Variants in PPFIBP1 observed in about 807,000 individuals in gnomAD.
PPFIBP1 encodes liprin-beta-1.
In PPFIBP1, 112 loss-of-function variants were observed where a neutral mutation model predicts 137.8. The ratio of observed to expected loss-of-function variants is 0.81; its 90% CI spans 0.70 to 0.95. The LOEUF is 0.95. PPFIBP1 is among the 40% of genes least tolerant of loss of function. The pLI, the probability that PPFIBP1 is intolerant of heterozygous loss-of-function variation, is 0.00. For synonymous variants in PPFIBP1, 378 were observed against 417.3 expected (o/e 0.91, Z 1.15); for missense variants, 1,083 against 1,196.6 (o/e 0.91, Z 1.40).
intron 2 of PPFIBP1, chr12:27,594,124 G>T: frequency 7.8e-6 from 6 of 767,842 alleles, no homozygotes; most frequent in Non-Finnish European, 1.1e-5. Flanking sequence ...TGGGACCGGG[G>T]AGAAGAGAAT....
chr12:27,641,223 CTT>C (rs2058087483), intron 4 of PPFIBP1, among the ~76,000 whole-genome samples: 1 of 152,146 alleles, frequency 6.6e-6, no homozygotes, highest in African/African-American at 2.4e-5. Context: ...ATTTAGGAAT[CTT>C]ACACTCAAAA....
chr12:27,587,355 C>T (rs1171483540), intron 2 of PPFIBP1, among the ~76,000 whole-genome samples: 1 of 152,118 alleles, frequency 6.6e-6, no homozygotes, highest in Non-Finnish European at 1.5e-5. Flanking sequence ...GGCGCAGTGG[C>T]TCACGTCTGT....
intron 2 of PPFIBP1, among the ~76,000 whole-genome samples, chr12:27,609,970 C>T (rs2054920265): frequency 6.6e-6 from 1 of 152,126 alleles, no homozygotes; most frequent in South Asian, 2.1e-4. Context: ...GGGAAAGAAC[C>T]ACTACTTGTC....
chr12:27,637,062 C>T (rs192891259), intron 4 of PPFIBP1: 38 of 152,234 alleles, frequency 2.5e-4, no homozygotes, highest in African/African-American at 9.1e-4. Flanking sequence ...AAAATTATAC[C>T]CATTTATTCC....
chr12:27,668,158 C>T (rs1034498829), intron 13 of PPFIBP1, among the ~76,000 whole-genome samples: 4 of 152,170 alleles, frequency 2.6e-5, no homozygotes, highest in Non-Finnish European at 4.4e-5. Context: ...GCCCCCTTTC[C>T]GAAGACCCCT....
chr12:27,552,657 A>T (rs923461172), intron 1 of PPFIBP1: 88 of 152,232 alleles, frequency 5.8e-4, no homozygotes, highest in African/African-American at 2.1e-3. Context: ...AACTCGGAAC[A>T]TAACTCATTT....
intron 1 of PPFIBP1, 33 bp from the exon 2 acceptor site, chr12:27,578,119 T>A (rs532022190): frequency 2.6e-5 from 4 of 152,362 alleles, no homozygotes; most frequent in African/African-American, 9.6e-5. Context: ...GCTATAATTT[T>A]AACTTGTCGT....
chr12:27,642,940 G>A (rs2058217771), intron 4 of PPFIBP1, among the ~76,000 whole-genome samples: 1 of 151,822 alleles, frequency 6.6e-6, no homozygotes, highest in South Asian at 2.1e-4. Flanking sequence ...GAAATAAGAG[G>A]TAATATATAT....
chr12:27,616,996 T>C (rs890867473), intron 2 of PPFIBP1, among the ~76,000 whole-genome samples: 2 of 152,196 alleles, frequency 1.3e-5, no homozygotes, highest in South Asian at 4.1e-4. Flanking sequence ...GCATTTGAAG[T>C]GGAGCCAACT....
chr12:27,551,921 G>A (rs1946827343), intron 1 of PPFIBP1, among the ~76,000 whole-genome samples: 1 of 152,194 alleles, frequency 6.6e-6, no homozygotes, highest in Non-Finnish European at 1.5e-5. Flanking sequence ...GACACCGAAA[G>A]AGCCTTCAGA....
At chr12:27,623,220 C>G (rs1411071839) in intron 2 of PPFIBP1, among the ~76,000 whole-genome samples, 2 of 152,142 alleles carry the variant, frequency 1.3e-5, no homozygotes, top group African/African-American at 4.8e-5. Flanking sequence ...CAAGTTGAAA[C>G]AGACCCGCTG....
chr12:27,594,124 G>A, intron 2 of PPFIBP1: 1 of 767,842 alleles, frequency 1.3e-6, no homozygotes, highest in South Asian at 6.8e-5. Context: ...TGGGACCGGG[G>A]AGAAGAGAAT....
chr12:27,672,391 G>T, intron 14 of PPFIBP1, 36 bp from the exon 15 acceptor site: 1 of 1,529,376 alleles, frequency 6.5e-7, no homozygotes, highest in Non-Finnish European at 9.0e-7. Context: ...TTTTATTCGT[G>T]AAGTTAATAA....
At chr12:27,583,543 G>A (rs2051362112) in intron 2 of PPFIBP1, among the ~76,000 whole-genome samples, 1 of 152,126 alleles carries the variant, frequency 6.6e-6, no homozygotes, top group African/African-American at 2.4e-5. Context: ...GTCTATATTG[G>A]TCCTTCCTGA....
At chr12:27,621,723 A>G (rs1306484863) in intron 2 of PPFIBP1, among the ~76,000 whole-genome samples, 1 of 152,198 alleles carries the variant, frequency 6.6e-6, no homozygotes. Context: ...CAAACTGTTG[A>G]GTTTATAAGA....
At chr12:27,691,712 A>C (rs2061557924) in intron 27 of PPFIBP1, 37 bp from the exon 28 acceptor site, 1 of 1,564,036 alleles carries the variant, frequency 6.4e-7, no homozygotes, top group African/African-American at 1.4e-5. Context: ...AATTTTATCA[A>C]ATCCTTTGGA....
chr12:27,558,841 G>A (rs867535940), intron 1 of PPFIBP1, among the ~76,000 whole-genome samples: 2 of 152,110 alleles, frequency 1.3e-5, no homozygotes, highest in Middle Eastern at 6.8e-3. Context: ...ATAAATCATA[G>A]CTATAACAGT....
intron 2 of PPFIBP1, among the ~76,000 whole-genome samples, chr12:27,621,188 C>T (rs973590656): frequency 2.0e-5 from 3 of 152,260 alleles, no homozygotes; most frequent in Non-Finnish European, 2.9e-5. Context: ...GTTACAACTA[C>T]TCAACTTTGC....
At chr12:27,600,844 ATTT>A (rs1565849184) in intron 2 of PPFIBP1, among the ~76,000 whole-genome samples, 1 of 152,262 alleles carries the variant, frequency 6.6e-6, no homozygotes, top group African/African-American at 2.4e-5. Context: ...TATTAAAGTT[ATTT>A]TTAATTGACA....
Sources: allele counts gnomAD v4.1 joint callset (sites outside exome capture counted in the v4.1 genomes callset), GRCh38; gene constraint gnomAD v4.1.1; transcripts MANE v1.5; gene names NCBI Gene and HGNC (gene_info 2026-07-23, HGNC 2026-07-21).